KPNA3: variants seen among roughly 807,000 people sequenced by gnomAD.
The protein encoded by KPNA3 is karyopherin subunit alpha 3, also known as importin subunit alpha-4.
In KPNA3, 13 loss-of-function variants were observed where a neutral mutation model predicts 73.8. That is an observed-to-expected ratio of 0.18 (90% CI 0.11 to 0.28). KPNA3 has a LOEUF of 0.28. Among genes scored for constraint, KPNA3 ranks in the 10% least tolerant of loss-of-function variants. The probability of loss-of-function intolerance (pLI) is 1.00; values close to 1 mark genes in which losing one functional copy is unlikely to be tolerated. For synonymous variants in KPNA3, 186 were observed against 206.9 expected, an observed-to-expected ratio of 0.90 and a Z score of 0.87; for missense variants, 360 against 618.1, an observed-to-expected ratio of 0.58 and a Z score of 4.43.
intron 1 of KPNA3, among the ~76,000 whole-genome samples, chr13:49,785,115 T>G (rs1322633812): frequency 6.6e-6 from 1 of 151,852 alleles, no homozygotes; most frequent in African/African-American, 2.4e-5. Context: ...TATAAGCATA[T>G]AAGAAGTTCA....
At chr13:49,789,453 CTTTTA>C (rs1322256044) in intron 1 of KPNA3, among the ~76,000 whole-genome samples, 1 of 152,112 alleles carries the variant, frequency 6.6e-6, no homozygotes, top group Non-Finnish European at 1.5e-5. Flanking sequence ...TAACTCTATC[CTTTTA>C]TTTTCTTTAA....
In KPNA3 at chr13:49,706,487, G is replaced by A. The variant is rs1298182436; in HGVS notation, c.1033-115C>T. 9.0e-6 allele frequency: 6 copies of A among 666,832 alleles called. No homozygotes were observed. The African/African-American group carries it at 9.2e-5, about 10-fold the overall frequency. 41.3% of individuals were successfully genotyped at this position (666,832 alleles called of 1,614,324 possible). On this transcript the variant is annotated intron_variant, in intron 12 of 16. Coordinates refer to ENST00000261667, the MANE Select transcript of KPNA3 (RefSeq NM_002267.4). ...TCACCTGAATTACGTTAAAGAGACT[G>A]CACCTAAAAAGTGATTAGGTATACA...
At chr13:49,723,193 AGT>A (rs1954376325) in intron 7 of KPNA3, among the ~76,000 whole-genome samples, 1 of 152,172 alleles carries the variant, frequency 6.6e-6, no homozygotes. Flanking sequence ...TTTACATTTA[AGT>A]GTGTAATTCA....
intron 1 of KPNA3, among the ~76,000 whole-genome samples, chr13:49,790,079 C>T (rs1340292945): frequency 3.3e-5 from 5 of 152,210 alleles, no homozygotes; most frequent in Non-Finnish European, 7.3e-5. Context: ...CAAGACCTAA[C>T]ATTGATAGAT....
Position 49,701,597 on chromosome 13 carries a change from G to A in KPNA3, c.*203C>T. ...TAAGGAGAGTTCTAAAACAGTTTAG[G>A]AAATCATGCATATGCATTTACAGTC... is the stretch of plus-strand genomic sequence containing the variant. On this transcript the variant is annotated 3_prime_UTR_variant, in exon 17 of 17. Transcript: ENST00000261667. 1 of 694,030 alleles carries A rather than the reference G, an allele frequency of 1.4e-6. No individual in the cohort carries two copies. The highest frequency in any genetic ancestry group is 2.7e-6 in the Non-Finnish European group (1 of 367,642). 43.0% of individuals were successfully genotyped at this position (694,030 alleles called of 1,614,324 possible). A position where few individuals can be genotyped will look rare whatever the true frequency, so the allele number is the denominator to read the frequency against.
At chr13:49,753,045 A>G (rs1003040027) in intron 1 of KPNA3, among the ~76,000 whole-genome samples, 5 of 146,550 alleles carry the variant, frequency 3.4e-5, no homozygotes, top group Admixed American at 3.4e-4. Context: ...AAAAAAAAAA[A>G]AAAAAAAAGA....
intron 2 of KPNA3, among the ~76,000 whole-genome samples, chr13:49,737,478 T>C (rs759447003): frequency 7.9e-5 from 12 of 152,196 alleles, no homozygotes; most frequent in Non-Finnish European, 1.8e-4. Flanking sequence ...TTAATATCTG[T>C]ATGTCCTCCT....
At chr13:49,757,035 C>T (rs1195068249) in intron 1 of KPNA3, among the ~76,000 whole-genome samples, 1 of 151,998 alleles carries the variant, frequency 6.6e-6, no homozygotes, top group African/African-American at 2.4e-5. Context: ...AAGCCTCACA[C>T]CTTAAAAAAA....
At chr13:49,777,616 T>G (rs955369298) in intron 1 of KPNA3, among the ~76,000 whole-genome samples, 2 of 151,928 alleles carry the variant, frequency 1.3e-5, no homozygotes, top group African/African-American at 4.8e-5. Flanking sequence ...TCCTTGTGCC[T>G]CAGCCTCCCA....
rs1198804551 is a variant in KPNA3 at position 49,792,447 on chromosome 13, G to T, written c.60C>A (p.Arg20=). ...HRIKSFKNKG[R]DVETMRRHRN... ...GCGGAAGCACACTCACTTCCACATC[G>T]CGGCCCTTGTTCTTGAAGCTCTTGA... The change falls in exon 1 of 17, where the codon CGC becomes CGA. Residue 20 remains arginine, a synonymous_variant. Transcript: ENST00000261667. The T allele has an allele frequency of 6.3e-7, 1 of 1,577,696 alleles. No individual in the cohort carries two copies. Among genetic ancestry groups the T allele is most frequent in the South Asian group, 1.1e-5 (1 of 87,712 alleles).
intron 1 of KPNA3, among the ~76,000 whole-genome samples, chr13:49,765,004 A>C (rs1022578107): frequency 6.6e-6 from 1 of 152,182 alleles, no homozygotes; most frequent in Non-Finnish European, 1.5e-5. Flanking sequence ...CTTGACTTCC[A>C]TAACACCACA....
chr13:49,760,799 C>G (rs1954752451), intron 1 of KPNA3, among the ~76,000 whole-genome samples: 1 of 152,108 alleles, frequency 6.6e-6, no homozygotes. Context: ...AGTTAGTAGA[C>G]TGATAGGGGA....
At position 49,701,751 on chromosome 13, in the gene KPNA3, TG is replaced by T; in HGVS notation, c.*48del. 9.2e-7 allele frequency: 1 copy of T among 1,091,246 alleles called. No individual in the cohort carries two copies. Among genetic ancestry groups the T allele is most frequent in the Non-Finnish European group, 1.4e-6 (1 of 703,608 alleles). 67.6% of individuals were successfully genotyped at this position (1,091,246 alleles called of 1,614,324 possible). On this transcript the variant is annotated 3_prime_UTR_variant, in exon 17 of 17. Coordinates refer to ENST00000261667, the MANE Select transcript of KPNA3 (RefSeq NM_002267.4). ...TTGTTCTTATCATTTGGTAGCCATC[TG>T]GTGGTGCTTCATATTGAATGTGGGA...
intron 6 of KPNA3, among the ~76,000 whole-genome samples, chr13:49,727,779 A>G (rs1305659234): frequency 6.6e-6 from 1 of 152,210 alleles, no homozygotes; most frequent in African/African-American, 2.4e-5. Context: ...AAGAGCCCCT[A>G]GAAGAGCAAC....
intron 10 of KPNA3, among the ~76,000 whole-genome samples, chr13:49,712,199 G>A (rs1954266027): frequency 6.6e-6 from 1 of 152,144 alleles, no homozygotes; most frequent in African/African-American, 2.4e-5. Context: ...ACACCAATAT[G>A]TGTAGGCTAC....
chr13:49,734,362 T>C (rs906701942), intron 2 of KPNA3, among the ~76,000 whole-genome samples: 1 of 152,240 alleles, frequency 6.6e-6, no homozygotes, highest in Non-Finnish European at 1.5e-5. Flanking sequence ...TTAATTACAT[T>C]GAAGTCAGAG....
intron 15 of KPNA3, among the ~76,000 whole-genome samples, chr13:49,705,329 A>G (rs1954197102): frequency 6.6e-6 from 1 of 150,668 alleles, no homozygotes; most frequent in South Asian, 2.1e-4. Context: ...ACTGCACTCC[A>G]GCCTGGGCGA....
chr13:49,716,470 G>A (rs981562621), intron 10 of KPNA3, among the ~76,000 whole-genome samples: 2 of 150,970 alleles, frequency 1.3e-5, no homozygotes, highest in South Asian at 2.1e-4. Flanking sequence ...ACAGCATCTC[G>A]CTCTGTTGCC....
intron 3 of KPNA3, 79 bp from the exon 4 acceptor site, chr13:49,732,855 T>G (rs949923880): frequency 7.7e-7 from 1 of 1,304,352 alleles, no homozygotes; most frequent in Admixed American, 2.0e-5. Flanking sequence ...TGAGTTAATA[T>G]ACTTTCATTA....
Sources: allele counts gnomAD v4.1 joint callset (sites outside exome capture counted in the v4.1 genomes callset), GRCh38; gene constraint gnomAD v4.1.1; transcripts MANE v1.5; gene names NCBI Gene and HGNC (gene_info 2026-07-23, HGNC 2026-07-21).